Variants in ATRN observed in about 807,000 individuals in gnomAD.
The protein encoded by ATRN is attractin-2.
In ATRN, 54 loss-of-function variants were observed where a neutral mutation model predicts 178.7. That is an observed-to-expected ratio of 0.30 (90% CI 0.24 to 0.38). ATRN has a LOEUF of 0.38. ATRN is among the 10% of genes least tolerant of loss of function. The pLI, the probability that ATRN is intolerant of heterozygous loss-of-function variation, is 1.00. For synonymous variants in ATRN, 636 were observed against 663.0 expected (o/e 0.96, Z 0.63); for missense variants, 1,443 against 1,815.1 (o/e 0.79, Z 3.73).
intron 1 of ATRN, among the ~76,000 whole-genome samples, chr20:3,494,893 CT>C (rs1310469369): frequency 4.6e-5 from 7 of 152,024 alleles, no homozygotes; most frequent in Non-Finnish European, 7.4e-5. Flanking sequence ...TTGTCCATTG[CT>C]TTTATTGAGT....
intron 1 of ATRN, among the ~76,000 whole-genome samples, chr20:3,521,531 A>G (rs1299727090): frequency 6.6e-6 from 1 of 152,242 alleles, no homozygotes; most frequent in African/African-American, 2.4e-5. Flanking sequence ...GGAAATGTGC[A>G]AATCCACAAT....
chr20:3,548,834 A>G (rs1159701910), intron 5 of ATRN, among the ~76,000 whole-genome samples: 1 of 152,138 alleles, frequency 6.6e-6, no homozygotes. Context: ...CCCTGTGGAT[A>G]TTGAGGGATA....
chr20:3,607,948 T>C (rs918493368), intron 24 of ATRN, among the ~76,000 whole-genome samples: 11 of 152,214 alleles, frequency 7.2e-5, no homozygotes, highest in Non-Finnish European at 1.5e-4. Context: ...TGGTTTTGAT[T>C]TGCATTTGCC....
At chr20:3,485,628 T>G (rs1486126592) in intron 1 of ATRN, among the ~76,000 whole-genome samples, 1 of 113,410 alleles carries the variant, frequency 8.8e-6, no homozygotes, top group Non-Finnish European at 1.8e-5. Context: ...TTTTTTTTTT[T>G]TTTTTTTTTT....
intron 26 of ATRN, 82 bp downstream of exon 26, chr20:3,634,471 C>G (rs924294437): frequency 1.6e-6 from 2 of 1,281,610 alleles, no homozygotes; most frequent in Non-Finnish European, 1.1e-6. Context: ...TGGGTTTTAG[C>G]TATTTAGTGA....
At chr20:3,548,307 A>G (rs1265798092) in intron 5 of ATRN, among the ~76,000 whole-genome samples, 1 of 152,134 alleles carries the variant, frequency 6.6e-6, no homozygotes, top group Non-Finnish European at 1.5e-5. Flanking sequence ...AAACACAATA[A>G]AAGATAATAC....
chr20:3,497,588 C>T (rs1335030008), intron 1 of ATRN, among the ~76,000 whole-genome samples: 3 of 152,096 alleles, frequency 2.0e-5, no homozygotes, highest in South Asian at 2.1e-4. Flanking sequence ...TCTGGCTGCC[C>T]TTAACATTTT....
At chr20:3,485,609 GGTTTTTTTTTTTT>G (rs2084679680) in intron 1 of ATRN, among the ~76,000 whole-genome samples, 4 of 84,746 alleles carry the variant, frequency 4.7e-5, no homozygotes, top group African/African-American at 2.0e-4. Flanking sequence ...ATTTTTTTGA[GGTTTTTTTTTTTT>G]TTTTTTTTTT....
Position 3,584,699 on chromosome 20 carries a change from C to G in ATRN, c.3003C>G (p.Gly1001=). ...CTCSHCLEQP[G]CGWCTDPSNT... is the part of the protein sequence containing the mutation. ...GTAGTCATTGCTTGGAGCAACCAGG[C>G]TGTGGCTGGTGTACTGATCCCAGCA... Residue 1001 remains glycine, a synonymous_variant, in exon 18 of 29, where the codon GGC becomes GGG. Transcript: ENST00000262919. 1 of 1,613,982 alleles carries G rather than the reference C, an allele frequency of 6.2e-7. No homozygotes were observed.
intron 24 of ATRN, among the ~76,000 whole-genome samples, chr20:3,623,031 T>A (rs578149120): frequency 2.6e-5 from 4 of 152,208 alleles, no homozygotes; most frequent in African/African-American, 4.8e-5. Context: ...ATAGATTCTT[T>A]AAGTGTAAAC....
intron 1 of ATRN, among the ~76,000 whole-genome samples, chr20:3,472,458 A>G (rs1599985583): frequency 6.6e-6 from 1 of 152,338 alleles, no homozygotes; most frequent in South Asian, 2.1e-4. Context: ...GGAAATGTGA[A>G]CAAGACAGAC....
chr20:3,635,192 G>A (rs983883711), intron 26 of ATRN, among the ~76,000 whole-genome samples: 2 of 151,848 alleles, frequency 1.3e-5, no homozygotes, highest in Non-Finnish European at 2.9e-5. Context: ...TGATACAGTG[G>A]ATTTTGAGGA....
At position 3,535,323 on chromosome 20, in the gene ATRN, C is replaced by A; in HGVS notation, c.481C>A (p.Leu161Ile). 1.3e-6 allele frequency: 2 copies of A among 1,539,852 alleles called. No homozygotes were observed. The highest frequency in any genetic ancestry group is 1.8e-6 in the Non-Finnish European group (2 of 1,134,674). ...NYKYKTKCTWLIEGQPNRIMR... is the reference protein window; with the variant it reads ...NYKYKTKCTWIIEGQPNRIMR... ...TAAATACAAAACGAAGTGCACGTGGCTCATTGAAGGACAGTAAGTAGAAAT... is the reference window on the plus strand; with the variant it reads ...TAAATACAAAACGAAGTGCACGTGGATCATTGAAGGACAGTAAGTAGAAAT... Residue 161 changes from leucine to isoleucine, a missense_variant, in exon 2 of 29, where the codon CTC (leucine) becomes ATC (isoleucine). Physicochemically the swap from Leu to Ile is conservative, Grantham distance 5 (BLOSUM62 2). Transcript: ENST00000262919.
chr20:3,471,329 G>C lies in ATRN; in HGVS notation c.222G>C (p.Leu74=). The change falls in exon 1 of 29, where the codon CTG becomes CTC. Residue 74 remains leucine, a synonymous_variant. Coordinates refer to ENST00000262919, the MANE Select transcript of ATRN (RefSeq NM_139321.3). ...TGTTGCTCTCGCCGCCGCTGCTGCT[G>C]CTGCTGCTGCCCTGTGAGGCCGAGG... is the stretch of plus-strand genomic sequence containing the variant. The part of the protein sequence containing the change: ...LLLLLSPPLL[L]LLLPCEAEAA... 6.7e-7 allele frequency: 1 copy of C among 1,486,112 alleles called. No individual in the cohort carries two copies. The allele number at this position is 1,486,112 out of a possible 1,614,324, so 92.1% of individuals were successfully genotyped here.
At chr20:3,553,610 C>G (rs571355332) in intron 6 of ATRN, among the ~76,000 whole-genome samples, 1 of 152,156 alleles carries the variant, frequency 6.6e-6, no homozygotes, top group Non-Finnish European at 1.5e-5. Context: ...CACTGTTTAC[C>G]TTCCCAGACT....
At position 3,619,736 on chromosome 20, in the gene ATRN, C is replaced by T. The variant is rs575933122; in HGVS notation, c.3802-4775C>T. Among the ~76,000 whole-genome samples the T allele has an allele frequency of 9.8e-5, 15 of 152,298 alleles. No individual in the cohort carries two copies. In the South Asian group the frequency reaches 3.1e-3, roughly 32 times the overall value. On this transcript the variant is annotated intron_variant, in intron 24 of 28. Transcript: ENST00000262919. ...CTCAGCCTCTGTTTTGGCAGAGACC[C>T]ATTCTCTTCCCTCAGGAACATACAG...
At chr20:3,572,678 C>A in intron 11 of ATRN, 53 bp from the exon 12 acceptor site, 1 of 1,486,886 alleles carries the variant, frequency 6.7e-7, no homozygotes, top group Non-Finnish European at 9.3e-7. Flanking sequence ...AGTATAGCAT[C>A]CAATTGTTAT....
chr20:3,505,629 G>A (rs2085032712), intron 1 of ATRN, among the ~76,000 whole-genome samples: 1 of 152,158 alleles, frequency 6.6e-6, no homozygotes, highest in Admixed American at 6.5e-5. Flanking sequence ...TTAATGTATT[G>A]ATAATTAACT....
chr20:3,489,847 A>G, intron 1 of ATRN: 6 of 1,259,606 alleles, frequency 4.8e-6, no homozygotes, highest in African/African-American at 1.5e-5. Context: ...TGAAGCTTAT[A>G]TAGCCAGTAG....
Sources: gnomAD v4.1 joint callset for allele counts (sites outside exome capture counted in the v4.1 genomes callset) on GRCh38, gnomAD v4.1.1 for gene constraint, MANE v1.5 for transcripts, NCBI Gene and HGNC (gene_info 2026-07-23, HGNC 2026-07-21) for gene names.